CERS3: variants seen among roughly 807,000 people sequenced by gnomAD.
CERS3 encodes ceramide synthase 3, also known as LAG1 homolog, ceramide synthase 3.
Under a neutral mutation model 50.3 loss-of-function variants are expected in CERS3, and 33 were observed. The observed-to-expected ratio is 0.66, with a 90% CI of 0.50 to 0.88. The LOEUF is 0.88. Among genes scored for constraint, CERS3 ranks in the 40% least tolerant of loss-of-function variants. The pLI is 0.00. For synonymous variants in CERS3, 176 were observed against 155.2 expected (o/e 1.13, Z -0.99); for missense variants, 470 against 460.3 (o/e 1.02, Z -0.19).
At chr15:100,527,956 A>AG (rs35597259) in intron 1 of CERS3, among the ~76,000 whole-genome samples, 1 of 152,208 alleles carries the variant, frequency 6.6e-6, no homozygotes, top group Non-Finnish European at 1.5e-5. Flanking sequence ...AAAGGCTTGT[A>AG]GGGGGGAAGG....
At chr15:100,494,308 C>CA (rs998420254) in intron 3 of CERS3, among the ~76,000 whole-genome samples, 1 of 145,578 alleles carries the variant, frequency 6.9e-6, no homozygotes, top group African/African-American at 2.6e-5. Context: ...AGTGCAGTGG[C>CA]ATGATCTCAG....
intron 1 of CERS3, among the ~76,000 whole-genome samples, chr15:100,534,267 T>G (rs79228032): frequency 6.6e-6 from 1 of 152,200 alleles, no homozygotes; most frequent in African/African-American, 2.4e-5. Flanking sequence ...TGTGACCTTA[T>G]TCTTTTTAGC....
At chr15:100,421,502 C>T (rs1434408852) in intron 11 of CERS3, among the ~76,000 whole-genome samples, 146 of 151,078 alleles carry the variant, frequency 9.7e-4, no homozygotes, top group African/African-American at 3.4e-3. Flanking sequence ...AAAATGGCCA[C>T]ACTGCCCAAG....
intron 10 of CERS3, among the ~76,000 whole-genome samples, chr15:100,463,435 GAAAAA>G (rs71151951): frequency 6.7e-4 from 62 of 92,650 alleles, no homozygotes; most frequent in African/African-American, 2.7e-3. Context: ...CTCTGTCTCA[GAAAAA>G]AAAAAAAAAA....
In CERS3 at chr15:100,400,868, G is replaced by A. The variant is rs985246923; in HGVS notation, c.*1845C>T. ...TAGCTATACCCTAAAGTGGGTGCAGGCATTTTGATTTATAATATCATATTA... is the reference window on the plus strand; with the variant it reads ...TAGCTATACCCTAAAGTGGGTGCAGACATTTTGATTTATAATATCATATTA... On this transcript the variant is annotated 3_prime_UTR_variant, in exon 12 of 12. Transcript: ENST00000679737. The A allele has an allele frequency of 1.3e-5, 2 of 151,994 alleles. No individual in the cohort carries two copies. The highest frequency in any genetic ancestry group is 4.8e-5 in the African/African-American group (2 of 41,366). 9.4% of individuals were successfully genotyped at this position (151,994 alleles called of 1,614,324 possible). A position where few individuals can be genotyped will look rare whatever the true frequency, so the allele number is the denominator to read the frequency against.
rs1393900095 is a variant in CERS3 at position 100,443,358 on chromosome 15, T to C, written c.999+12535A>G. ...CTACAGCATGGCCTTTTAAAGCCTATAAACTCTCCTTACAATTCCCCCATT... is the reference window on the plus strand; with the variant it reads ...CTACAGCATGGCCTTTTAAAGCCTACAAACTCTCCTTACAATTCCCCCATT... On this transcript the variant is annotated intron_variant, in intron 11 of 11. Coordinates refer to ENST00000679737, the MANE Select transcript of CERS3 (RefSeq NM_001378789.1). Among the ~76,000 whole-genome samples, 5 of 150,490 alleles carry C rather than the reference T, an allele frequency of 3.3e-5. No individual in the cohort carries two copies. The East Asian group carries it at 5.8e-4, about 18-fold the overall frequency.
intron 11 of CERS3, among the ~76,000 whole-genome samples, chr15:100,428,889 G>C (rs1193054939): frequency 6.6e-6 from 1 of 152,232 alleles, no homozygotes; most frequent in East Asian, 1.9e-4. Context: ...AACTCAAGTT[G>C]TAACCTATAG....
At chr15:100,466,737 TTTCCTTCCTTCC>T (rs1197426230) in intron 10 of CERS3, among the ~76,000 whole-genome samples, 9 of 74,296 alleles carry the variant, frequency 1.2e-4, no homozygotes, top group South Asian at 1.0e-3. Context: ...TCTTTCCTTC[TTTCCTTCCTTCC>T]TTCCTTCCTT....
chr15:100,453,300 C>T (rs961406909), intron 11 of CERS3, among the ~76,000 whole-genome samples: 1 of 152,096 alleles, frequency 6.6e-6, no homozygotes. Context: ...AGATAACATA[C>T]CATGGCCAAG....
chr15:100,415,111 AG>A (rs1276277593), intron 11 of CERS3, among the ~76,000 whole-genome samples: 3 of 152,232 alleles, frequency 2.0e-5, no homozygotes, highest in Non-Finnish European at 4.4e-5. Flanking sequence ...AAGTGGGTAA[AG>A]GATATGAACA....
intron 10 of CERS3, among the ~76,000 whole-genome samples, chr15:100,467,206 T>A (rs1423321103): frequency 6.6e-6 from 1 of 152,132 alleles, no homozygotes; most frequent in Admixed American, 6.6e-5. Context: ...AGACACTATG[T>A]GACTGCCCAG....
intron 5 of CERS3, among the ~76,000 whole-genome samples, chr15:100,484,268 T>C (rs1363901139): frequency 6.6e-6 from 1 of 152,224 alleles, no homozygotes; most frequent in Non-Finnish European, 1.5e-5. Flanking sequence ...GCTGAGTACA[T>C]AACATCTCCT....
chr15:100,451,738 CCAAAA>C (rs1232416407), intron 11 of CERS3, among the ~76,000 whole-genome samples: 2 of 150,948 alleles, frequency 1.3e-5, no homozygotes, highest in South Asian at 2.1e-4. Flanking sequence ...AAACAAAAAA[CCAAAA>C]CAAAACAAAA....
chr15:100,449,024 C>A (rs1472326726), intron 11 of CERS3, among the ~76,000 whole-genome samples: 1 of 152,182 alleles, frequency 6.6e-6, no homozygotes, highest in Admixed American at 6.5e-5. Flanking sequence ...GGGCACCCTG[C>A]CCCTGCCTAC....
chr15:100,411,405 A>T (rs1461216623), intron 11 of CERS3, among the ~76,000 whole-genome samples: 4 of 151,952 alleles, frequency 2.6e-5, no homozygotes, highest in African/African-American at 9.6e-5. Flanking sequence ...CAGGTGATCC[A>T]CCCGCCTCGG....
At chr15:100,465,963 T>A (rs1013314789) in intron 10 of CERS3, among the ~76,000 whole-genome samples, 15 of 152,268 alleles carry the variant, frequency 9.9e-5, no homozygotes, top group African/African-American at 3.6e-4. Context: ...CTGGCCTGTT[T>A]CGTTTTATTT....
At chr15:100,470,853 C>G (rs1168631508) in intron 9 of CERS3, among the ~76,000 whole-genome samples, 1 of 152,018 alleles carries the variant, frequency 6.6e-6, no homozygotes, top group African/African-American at 2.4e-5. Flanking sequence ...TGTTTTTTCT[C>G]CAAAAGAAAG....
At chr15:100,475,597 T>C (rs1567646174) in intron 8 of CERS3, among the ~76,000 whole-genome samples, 2 of 152,194 alleles carry the variant, frequency 1.3e-5, no homozygotes, top group Non-Finnish European at 2.9e-5. Flanking sequence ...AGCATGCCTG[T>C]GACTGAGTTT....
At chr15:100,404,889 C>T (rs938786812) in intron 11 of CERS3, among the ~76,000 whole-genome samples, 7 of 152,142 alleles carry the variant, frequency 4.6e-5, no homozygotes, top group African/African-American at 1.2e-4. Flanking sequence ...GTCTTTTCAA[C>T]AAATGGTCAG....
Sources: gnomAD v4.1 joint callset for allele counts (sites outside exome capture counted in the v4.1 genomes callset) on GRCh38, gnomAD v4.1.1 for gene constraint, MANE v1.5 for transcripts, NCBI Gene and HGNC (gene_info 2026-07-23, HGNC 2026-07-21) for gene names.